Variants in LOXHD1 observed in about 807,000 individuals in gnomAD.
LOXHD1 encodes the protein lipoxygenase homology domain-containing protein 1.
LOXHD1 carries 205 observed loss-of-function variants against 248.2 expected under a neutral mutation model. The ratio of observed to expected loss-of-function variants is 0.83; its 90% CI spans 0.74 to 0.93. The LOEUF (loss-of-function observed/expected upper bound fraction) is 0.93. LOXHD1 is among the 40% of genes least tolerant of loss of function. The pLI is 0.00. For synonymous variants in LOXHD1, 1,113 were observed against 1,162.8 expected (o/e 0.96, Z 0.87); for missense variants, 2,930 against 2,971.6 (o/e 0.99, Z 0.33).
intron 2 of LOXHD1, among the ~76,000 whole-genome samples, chr18:46,647,287 TG>T (rs1005413342): frequency 6.6e-6 from 1 of 152,090 alleles, no homozygotes; most frequent in African/African-American, 2.4e-5. Context: ...CCCGAACTCC[TG>T]GGAATGGAGG....
At chr18:46,609,176 C>T (rs896222275) in intron 6 of LOXHD1, among the ~76,000 whole-genome samples, 1 of 152,206 alleles carries the variant, frequency 6.6e-6, no homozygotes, top group African/African-American at 2.4e-5. Context: ...GATTCAGTAG[C>T]TATCATGTGC....
intron 21 of LOXHD1, among the ~76,000 whole-genome samples, chr18:46,552,867 A>T (rs2143908839): frequency 6.6e-6 from 1 of 152,066 alleles, no homozygotes; most frequent in Non-Finnish European, 1.5e-5. Flanking sequence ...ACCAAATAGA[A>T]TTACTCATTC....
intron 28 of LOXHD1, among the ~76,000 whole-genome samples, chr18:46,530,349 C>T (rs975242955): frequency 2.6e-5 from 4 of 152,216 alleles, no homozygotes; most frequent in African/African-American, 9.6e-5. Flanking sequence ...GACAGCTGGG[C>T]TTCTTTACAG....
intron 10 of LOXHD1, 78 bp downstream of exon 10, chr18:46,593,522 G>C (rs1599035401): frequency 5.4e-6 from 8 of 1,493,702 alleles, no homozygotes; most frequent in Non-Finnish European, 7.2e-6. Context: ...ACCTGGCTTA[G>C]AGAACCAGAA....
At position 46,538,252 on chromosome 18, in the gene LOXHD1, G is replaced by A. The variant is rs117297079; in HGVS notation, c.3999C>T (p.Cys1333=). 12,009 of 1,551,238 alleles carry A rather than the reference G, an allele frequency of 7.7e-3. 58 individuals are homozygous for A. The highest frequency in any genetic ancestry group is 8.7e-3 in the Non-Finnish European group (10,026 of 1,146,602). The change falls in exon 26 of 41, where the codon TGC becomes TGT. Residue 1333 remains cysteine, a synonymous_variant. Transcript: ENST00000642948. The part of the protein sequence containing the change: ...DANIFIIIYG[C]DAVCTQQKYL... The stretch of plus-strand genomic sequence containing the variant: ...ACTTCTGCTGGGTGCACACGGCATC[G>A]CAGCCATAGATGATGATGAAGATGT...
intron 19 of LOXHD1, 35 bp downstream of exon 19, chr18:46,560,048 T>TGGCGG: frequency 6.5e-6 from 8 of 1,226,278 alleles, no homozygotes; most frequent in Middle Eastern, 2.1e-4. Flanking sequence ...GTCTGGCCAC[T>TGGCGG]CCCTCCCCAC....
At chr18:46,559,077 C>T in intron 20 of LOXHD1, 1 of 1,184,378 alleles carries the variant, frequency 8.4e-7, no homozygotes, top group Non-Finnish European at 1.1e-6. Context: ...TACTCACCTG[C>T]CAAGGCCCAG....
chr18:46,578,442 T>G (rs961416602), intron 13 of LOXHD1, among the ~76,000 whole-genome samples: 4 of 151,840 alleles, frequency 2.6e-5, no homozygotes, highest in African/African-American at 9.7e-5. Context: ...GAAAGGTGGG[T>G]GGGTGGGAAG....
At chr18:46,594,746 C>T (rs1184344801) in intron 8 of LOXHD1, among the ~76,000 whole-genome samples, 1 of 152,212 alleles carries the variant, frequency 6.6e-6, no homozygotes, top group Non-Finnish European at 1.5e-5. Context: ...TTTCTTTAAG[C>T]ACATCATAAA....
In LOXHD1 at chr18:46,521,253, G is replaced by A. The variant is rs2035566080; in HGVS notation, c.5115C>T (p.Ser1705=). ...AACACAACTCTTCCACCAGCCAGCAGCTCTCAGGGGAGGCCCCGTCATGGC... is the reference window on the plus strand; with the variant it reads ...AACACAACTCTTCCACCAGCCAGCAACTCTCAGGGGAGGCCCCGTCATGGC... ...ELGHDGASPE[S]CWLVEELCLA... Residue 1705 remains serine (S), a synonymous_variant, in exon 33 of 41, where the codon AGC becomes AGT. Transcript: ENST00000642948. 6.4e-7 allele frequency: 1 copy of A among 1,551,736 alleles called. No individual in the cohort carries two copies. Among genetic ancestry groups the A allele is most frequent in the Non-Finnish European group, 8.7e-7 (1 of 1,146,996 alleles).
intron 2 of LOXHD1, among the ~76,000 whole-genome samples, chr18:46,643,726 G>A (rs1255864232): frequency 4.6e-5 from 7 of 152,052 alleles, no homozygotes; most frequent in Non-Finnish European, 7.4e-5. Context: ...TATAAGACAA[G>A]GCAAGTGATC....
chr18:46,600,206 A>G (rs1030498380), intron 8 of LOXHD1, among the ~76,000 whole-genome samples: 1 of 152,230 alleles, frequency 6.6e-6, no homozygotes, highest in African/African-American at 2.4e-5. Context: ...ATAAATTGTA[A>G]CTCATTCATA....
intron 4 of LOXHD1, among the ~76,000 whole-genome samples, chr18:46,618,564 T>G (rs1009347413): frequency 2.0e-5 from 3 of 152,232 alleles, no homozygotes; most frequent in African/African-American, 7.2e-5. Context: ...TCACTGTATG[T>G]GATGAATAAA....
intron 37 of LOXHD1, among the ~76,000 whole-genome samples, chr18:46,490,673 C>G (rs981093285): frequency 4.6e-5 from 7 of 152,194 alleles, no homozygotes; most frequent in Admixed American, 3.3e-4. Flanking sequence ...CAGGGTTTCT[C>G]CATGTTGGTC....
In LOXHD1 at chr18:46,541,672, G is replaced by A. The variant is rs2036564287; in HGVS notation, c.3913+104C>T. 6 of 1,320,664 alleles carry A rather than the reference G, an allele frequency of 4.5e-6. No homozygotes were observed. In the Admixed American group the frequency reaches 1.2e-4, roughly 27 times the overall value. 81.8% of individuals were successfully genotyped at this position (1,320,664 alleles called of 1,614,324 possible). A position where few individuals can be genotyped will look rare whatever the true frequency, so the allele number is the denominator to read the frequency against. On this transcript the variant is annotated intron_variant, in intron 25 of 40. Transcript: ENST00000642948. Reference sequence around the variant, plus strand: ...GATGAAAGACCAAAATCTTCAAGGTGGGCCTGGCCCACAGTCAATCCTGAA... The same window carrying A: ...GATGAAAGACCAAAATCTTCAAGGTAGGCCTGGCCCACAGTCAATCCTGAA...
At chr18:46,588,897 A>G (rs2038112169) in intron 12 of LOXHD1, among the ~76,000 whole-genome samples, 1 of 152,162 alleles carries the variant, frequency 6.6e-6, no homozygotes, top group South Asian at 2.1e-4. Context: ...GGTGAGGTGA[A>G]GTGTACCAAG....
At chr18:46,512,606 G>A (rs1404296623) in intron 34 of LOXHD1, among the ~76,000 whole-genome samples, 2 of 152,210 alleles carry the variant, frequency 1.3e-5, no homozygotes, top group African/African-American at 4.8e-5. Flanking sequence ...AACCTACTGG[G>A]TGGTTCCATG....
At position 46,639,786 on chromosome 18, in the gene LOXHD1, T is replaced by A; in HGVS notation, c.341A>T (p.Asn114Ile). 6.4e-7 allele frequency: 1 copy of A among 1,551,688 alleles called. No individual in the cohort carries two copies. Among genetic ancestry groups the A allele is most frequent in the Non-Finnish European group, 8.7e-7 (1 of 1,146,998 alleles). The change falls in exon 4 of 41, where the codon AAC becomes ATC. Residue 114 changes from asparagine (N) to isoleucine (I), a missense_variant. Coordinates refer to ENST00000642948, the MANE Select transcript of LOXHD1 (RefSeq NM_001384474.1). ...GTACCAGCTGGCATTCAAGCCCGTG[T>A]TGTCATGCTCAATCCTGAGGCAGAA... is the stretch of plus-strand genomic sequence containing the variant. ...LIYKVRIEHD[N>I]TGLNASWYLD...
intron 14 of LOXHD1, among the ~76,000 whole-genome samples, chr18:46,576,623 G>A (rs989323597): frequency 6.6e-6 from 1 of 152,174 alleles, no homozygotes; most frequent in Admixed American, 6.5e-5. Context: ...GGAGCTGCCT[G>A]CATTATTACT....
Sources: allele counts gnomAD v4.1 joint callset (sites outside exome capture counted in the v4.1 genomes callset), GRCh38; gene constraint gnomAD v4.1.1; transcripts MANE v1.5; gene names NCBI Gene and HGNC (gene_info 2026-07-23, HGNC 2026-07-21).